ADGRL3: variants seen among roughly 807,000 people sequenced by gnomAD.
The protein encoded by ADGRL3 is calcium-independent alpha-latrotoxin receptor 3.
Under a neutral mutation model 153.5 loss-of-function variants are expected in ADGRL3, and 62 were observed. The ratio of observed to expected loss-of-function variants is 0.40; its 90% confidence interval spans 0.33 to 0.50. The LOEUF (loss-of-function observed/expected upper bound fraction) is 0.50, where lower values mean the gene tolerates loss of function less well. Among genes scored for constraint, ADGRL3 ranks in the 20% least tolerant of loss-of-function variants. The pLI, the probability that ADGRL3 is intolerant of heterozygous loss-of-function variation, is 0.47. For synonymous variants in ADGRL3, 710 were observed against 672.5 expected (o/e 1.06, Z -0.86); for missense variants, 1,641 against 1,859.4 (o/e 0.88, Z 2.16).
chr4:61,626,561 C>T (rs1421501591), intron 5 of ADGRL3, among the ~76,000 whole-genome samples: 1 of 152,024 alleles, frequency 6.6e-6, no homozygotes, highest in Non-Finnish European at 1.5e-5. Context: ...AAAAATTTAA[C>T]TTTAAGCCCA....
At chr4:62,054,595 G>A (rs28718221) in intron 25 of ADGRL3, among the ~76,000 whole-genome samples, 3,994 of 151,526 alleles carry the variant, frequency 0.026, 182 homozygotes, top group African/African-American at 0.093. Context: ...AGATTAAAGA[G>A]GGAGTTTTTA....
chr4:61,521,476 A>C (rs964457446), intron 4 of ADGRL3, among the ~76,000 whole-genome samples: 2 of 152,184 alleles, frequency 1.3e-5, no homozygotes, highest in East Asian at 1.9e-4. Flanking sequence ...AGTTGATCTT[A>C]GAGGAATTAA....
chr4:61,212,471 T>C (rs747163411), intron 1 of ADGRL3, among the ~76,000 whole-genome samples: 13 of 152,152 alleles, frequency 8.5e-5, no homozygotes, highest in Non-Finnish European at 1.8e-4. Context: ...AAAATATACT[T>C]CAGTGTATCC....
At chr4:61,527,559 G>A (rs1318781390) in intron 4 of ADGRL3, among the ~76,000 whole-genome samples, 1 of 152,052 alleles carries the variant, frequency 6.6e-6, no homozygotes, top group Non-Finnish European at 1.5e-5. Flanking sequence ...AAATGTTTAG[G>A]TGACTCATGG....
chr4:61,949,409 T>C (rs767140047), intron 17 of ADGRL3, among the ~76,000 whole-genome samples: 1 of 152,090 alleles, frequency 6.6e-6, no homozygotes, highest in Non-Finnish European at 1.5e-5. Context: ...TTTAAAATCT[T>C]AAAATAGGCC....
At chr4:61,661,326 G>T (rs1430358213) in intron 5 of ADGRL3, among the ~76,000 whole-genome samples, 1 of 151,924 alleles carries the variant, frequency 6.6e-6, no homozygotes, top group Non-Finnish European at 1.5e-5. Context: ...AAATAGTAAA[G>T]ATAAAATGAT....
At chr4:61,569,858 A>C (rs77528397) in intron 4 of ADGRL3, among the ~76,000 whole-genome samples, 4,777 of 152,234 alleles carry the variant, frequency 0.031, 228 homozygotes, top group African/African-American at 0.11. Flanking sequence ...TTAGCACTTC[A>C]CTATAATGTT....
rs758738987 is a variant in ADGRL3 at position 61,947,068 on chromosome 4, C to T, written c.2574C>T (p.Phe858=). 6 of 1,613,642 alleles carry T rather than the reference C, an allele frequency of 3.7e-6. No individual in the cohort carries two copies. The African/African-American group carries it at 8.0e-5, about 22-fold the overall frequency. Reference sequence around the variant, plus strand: ...TTACGGCAGCAATAAACAAAGAGTTCAGTAACAAGGTTTATTTGGCTGATC... The same window carrying T: ...TTACGGCAGCAATAAACAAAGAGTTTAGTAACAAGGTTTATTTGGCTGATC... ...PVITAAINKE[F]SNKVYLADPV... The change falls in exon 16 of 27, where the codon TTC becomes TTT. Residue 858 remains phenylalanine (F), a synonymous_variant. Coordinates refer to ENST00000683033, the MANE Select transcript of ADGRL3 (RefSeq NM_001387552.1).
At chr4:61,486,930 G>A (rs918912352) in intron 2 of ADGRL3, among the ~76,000 whole-genome samples, 13 of 152,140 alleles carry the variant, frequency 8.5e-5, no homozygotes, top group Admixed American at 7.2e-4. Context: ...CTCTTCAGAT[G>A]TGCCAAAGAC....
intron 13 of ADGRL3, among the ~76,000 whole-genome samples, chr4:61,929,933 G>T (rs1029483747): frequency 6.6e-6 from 1 of 152,110 alleles, no homozygotes; most frequent in Admixed American, 6.6e-5. Context: ...TCAGCATTTT[G>T]GGAGGTCCGA....
At chr4:61,702,692 A>T (rs2095789526) in intron 6 of ADGRL3, among the ~76,000 whole-genome samples, 1 of 152,130 alleles carries the variant, frequency 6.6e-6, no homozygotes, top group Admixed American at 6.6e-5. Flanking sequence ...CATTATTCAA[A>T]ATTAACTTAC....
chr4:61,698,944 C>G (rs1442763411), intron 6 of ADGRL3, among the ~76,000 whole-genome samples: 1 of 152,190 alleles, frequency 6.6e-6, no homozygotes, highest in Non-Finnish European at 1.5e-5. Flanking sequence ...TTTAGCATCT[C>G]ACTTAAACCA....
Position 61,542,177 on chromosome 4 carries a change from G to GA in ADGRL3, c.259+24660dup, listed in dbSNP as rs551898115. On this transcript the variant is annotated intron_variant, in intron 4 of 26. Coordinates refer to ENST00000683033, the MANE Select transcript of ADGRL3 (RefSeq NM_001387552.1). ...TGTTTAAGCTAAAAGGAACCTTTGG[G>GA]ATCATAGCTTCAATCCAGAGGAAAT... 2.8e-4 allele frequency among the ~76,000 whole-genome samples: 43 copies of GA among 152,244 alleles called. No individual in the cohort carries two copies. The East Asian group carries it at 8.3e-3, about 30-fold the overall frequency.
chr4:61,922,801 C>T (rs575214755), intron 13 of ADGRL3, among the ~76,000 whole-genome samples: 1 of 152,222 alleles, frequency 6.6e-6, no homozygotes, highest in South Asian at 2.1e-4. Context: ...TCGTAGGGCT[C>T]AAACCCTAGT....
chr4:61,245,109 C>G (rs2174518), intron 1 of ADGRL3, among the ~76,000 whole-genome samples: 1 of 151,962 alleles, frequency 6.6e-6, no homozygotes, highest in Admixed American at 6.6e-5. Flanking sequence ...CCTTCTTGTC[C>G]TCTTCTCTCT....
At chr4:61,872,468 C>A (rs2098451408) in intron 9 of ADGRL3, among the ~76,000 whole-genome samples, 1 of 149,292 alleles carries the variant, frequency 6.7e-6, no homozygotes. Context: ...TTTTATTCTC[C>A]CACCCTTTCC....
intron 2 of ADGRL3, among the ~76,000 whole-genome samples, chr4:61,444,687 G>A (rs1192879258): frequency 6.6e-6 from 1 of 151,968 alleles, no homozygotes; most frequent in Non-Finnish European, 1.5e-5. Flanking sequence ...TTATTGTTAT[G>A]AGGTATTTTG....
At chr4:61,221,298 G>A (rs1745374936) in intron 1 of ADGRL3, among the ~76,000 whole-genome samples, 1 of 152,130 alleles carries the variant, frequency 6.6e-6, no homozygotes, top group Non-Finnish European at 1.5e-5. Context: ...TTTGAAGCCA[G>A]GTTTTCTGAA....
chr4:61,852,258 T>C (rs994332626), intron 9 of ADGRL3, among the ~76,000 whole-genome samples: 6 of 151,964 alleles, frequency 3.9e-5, no homozygotes, highest in Non-Finnish European at 7.4e-5. Context: ...AAGTCCAAAA[T>C]TGGTGCATTT....
Sources: gnomAD v4.1 joint callset for allele counts (sites outside exome capture counted in the v4.1 genomes callset) on GRCh38, gnomAD v4.1.1 for gene constraint, MANE v1.5 for transcripts, NCBI Gene and HGNC (gene_info 2026-07-23, HGNC 2026-07-21) for gene names.